The following CAP2 variants were observed in gnomAD, a reference collection of about 807,000 sequenced individuals.
The protein encoded by CAP2 is adenylyl cyclase-associated protein 2.
CAP2 carries 24 observed loss-of-function variants against 57.7 expected under a neutral mutation model. That is an observed-to-expected ratio of 0.42 (90% CI 0.30 to 0.58). The LOEUF (loss-of-function observed/expected upper bound fraction) is 0.58, where lower values mean the gene tolerates loss of function less well. Ranked by LOEUF, CAP2 falls within the 20% of genes least tolerant of loss-of-function variation. The pLI, the probability that CAP2 is intolerant of heterozygous loss-of-function variation, is 0.22. For missense variants in CAP2, 501 were observed against 590.3 expected, an observed-to-expected ratio of 0.85 and a Z score of 1.57; for synonymous variants, 194 against 207.2, an observed-to-expected ratio of 0.94 and a Z score of 0.55.
chr6:17,534,597 GAT>G (rs1354316776), intron 7 of CAP2, among the ~76,000 whole-genome samples: 4 of 152,104 alleles, frequency 2.6e-5, no homozygotes, highest in Non-Finnish European at 5.9e-5. Context: ...GATTGTAAAG[GAT>G]ACAAAATCTG....
rs576230705 is a variant in CAP2 at position 17,496,565 on chromosome 6, A to T, written c.301-10604A>T. Among the ~76,000 whole-genome samples the T allele has an allele frequency of 7.9e-5, 12 of 152,084 alleles. No individual in the cohort carries two copies. In the South Asian group the frequency reaches 1.9e-3, roughly 24 times the overall value. On this transcript the variant is annotated intron_variant, in intron 4 of 12. Transcript: ENST00000229922. ...GGTCTCAAACTCCTGGGTTCAAGCC[A>T]TCTGCCCACCTCAGCCTCCCAAAGT...
chr6:17,403,534 G>A (rs926272207), intron 1 of CAP2, among the ~76,000 whole-genome samples: 16 of 152,298 alleles, frequency 1.1e-4, no homozygotes, highest in Non-Finnish European at 2.2e-4. Flanking sequence ...GTCAAAATTT[G>A]TAATATTTGT....
intron 12 of CAP2, among the ~76,000 whole-genome samples, chr6:17,554,370 A>T (rs1290776412): frequency 6.6e-6 from 1 of 152,330 alleles, no homozygotes; most frequent in African/African-American, 2.4e-5. Context: ...CCTTCCCTGC[A>T]ACTCTGCCAA....
intron 1 of CAP2, among the ~76,000 whole-genome samples, chr6:17,405,750 T>C (rs1311946344): frequency 6.6e-6 from 1 of 152,184 alleles, no homozygotes; most frequent in Non-Finnish European, 1.5e-5. Context: ...CATAATGTTT[T>C]GTTTTTTTGA....
chr6:17,440,223 G>A (rs1011963149), intron 3 of CAP2, among the ~76,000 whole-genome samples: 5 of 151,582 alleles, frequency 3.3e-5, no homozygotes, highest in African/African-American at 1.2e-4. Flanking sequence ...TTTCTGCAGA[G>A]TTTTGGCATG....
chr6:17,522,099 ACT>A (rs1461615749), intron 7 of CAP2, among the ~76,000 whole-genome samples: 7 of 151,830 alleles, frequency 4.6e-5, no homozygotes, highest in African/African-American at 1.7e-4. Flanking sequence ...ACAGAGCAAG[ACT>A]CTGTCTCAAA....
At chr6:17,424,357 G>A (rs931067207) in intron 2 of CAP2, among the ~76,000 whole-genome samples, 38 of 152,084 alleles carry the variant, frequency 2.5e-4, no homozygotes, top group African/African-American at 8.7e-4. Context: ...CCGAGATCGC[G>A]CCACTGCACT....
At chr6:17,540,037 G>A (rs930384239) in intron 8 of CAP2, among the ~76,000 whole-genome samples, 4 of 152,082 alleles carry the variant, frequency 2.6e-5, no homozygotes, top group African/African-American at 4.8e-5. Flanking sequence ...AGCTGAGATC[G>A]CACCACTGCA....
chr6:17,450,719 T>G (rs1212202309), intron 3 of CAP2, among the ~76,000 whole-genome samples: 2 of 152,220 alleles, frequency 1.3e-5, no homozygotes, highest in Non-Finnish European at 2.9e-5. Context: ...TCATCTTTCC[T>G]TCCCAGATTG....
At chr6:17,432,593 T>G (rs1034358777) in intron 3 of CAP2, among the ~76,000 whole-genome samples, 5 of 152,234 alleles carry the variant, frequency 3.3e-5, no homozygotes, top group African/African-American at 1.2e-4. Context: ...ATTCTGCCTC[T>G]AGGTTTCATC....
At chr6:17,543,167 G>T in intron 11 of CAP2, 24 bp downstream of exon 11, 1 of 1,580,594 alleles carries the variant, frequency 6.3e-7, no homozygotes, top group Non-Finnish European at 8.7e-7. Flanking sequence ...TTCCAACCAT[G>T]CTGTAATAAG....
chr6:17,515,590 A>T (rs781414384), intron 7 of CAP2, among the ~76,000 whole-genome samples: 2 of 152,178 alleles, frequency 1.3e-5, no homozygotes, highest in African/African-American at 4.8e-5. Flanking sequence ...AAACCTGCAC[A>T]TGTATCCCCT....
At chr6:17,442,839 T>C (rs1031234901) in intron 3 of CAP2, among the ~76,000 whole-genome samples, 10 of 151,854 alleles carry the variant, frequency 6.6e-5, no homozygotes, top group Non-Finnish European at 1.3e-4. Context: ...TGCCTCAGCC[T>C]CCCGAGTAGC....
At chr6:17,452,145 G>T (rs1266970961) in intron 3 of CAP2, among the ~76,000 whole-genome samples, 16 of 152,190 alleles carry the variant, frequency 1.1e-4, no homozygotes, top group Admixed American at 7.2e-4. Flanking sequence ...CCCTAGCAGG[G>T]TATAGGTATT....
chr6:17,462,958 T>C, intron 3 of CAP2, 38 bp from the exon 4 acceptor site: 1 of 1,531,584 alleles, frequency 6.5e-7, no homozygotes, highest in South Asian at 1.1e-5. Flanking sequence ...TTTTTAGGAG[T>C]CAAACATTGA....
chr6:17,400,759 G>A (rs1183685668), intron 1 of CAP2, among the ~76,000 whole-genome samples: 8 of 151,944 alleles, frequency 5.3e-5, no homozygotes, highest in Non-Finnish European at 1.0e-4. Context: ...CAGCTACTCG[G>A]GAGGCTGAGG....
chr6:17,393,945 C>G (rs1201806760), intron 1 of CAP2, among the ~76,000 whole-genome samples, 199 bp downstream of exon 1: 2 of 146,410 alleles, frequency 1.4e-5, no homozygotes, highest in Non-Finnish European at 3.0e-5. Context: ...GACCCGGGCG[C>G]GGGGCGCGGG....
intron 3 of CAP2, among the ~76,000 whole-genome samples, chr6:17,459,407 A>C (rs960110314): frequency 1.3e-4 from 20 of 152,232 alleles, no homozygotes; most frequent in African/African-American, 4.8e-4. Flanking sequence ...TATGATGGCA[A>C]GGAATCACCC....
intron 4 of CAP2, among the ~76,000 whole-genome samples, chr6:17,486,097 C>CT (rs1461210301): frequency 6.6e-6 from 1 of 152,116 alleles, no homozygotes; most frequent in African/African-American, 2.4e-5. Context: ...GTAGTCCCAG[C>CT]TATCTGGGAG....
Sources: gnomAD v4.1 joint callset for allele counts (sites outside exome capture counted in the v4.1 genomes callset) on GRCh38, gnomAD v4.1.1 for gene constraint, MANE v1.5 for transcripts, NCBI Gene and HGNC (gene_info 2026-07-23, HGNC 2026-07-21) for gene names.